NADSYN1: variants seen among roughly 807,000 people sequenced by gnomAD.
NADSYN1 encodes NAD synthetase 1.
Under a neutral mutation model 99.3 loss-of-function variants are expected in NADSYN1, and 80 were observed. The observed-to-expected ratio is 0.81, with a 90% CI of 0.67 to 0.97. The LOEUF is 0.97. NADSYN1 is among the 50% of genes least tolerant of loss of function. The probability of loss-of-function intolerance (pLI) is 0.00; values close to 1 mark genes in which losing one functional copy is unlikely to be tolerated. For missense variants in NADSYN1, 859 were observed against 948.5 expected (o/e 0.91, Z 1.24); for synonymous variants, 385 against 372.1 (o/e 1.03, Z -0.40).
chr11:71,474,577 C>G, intron 9 of NADSYN1, 51 bp downstream of exon 9: 4 of 1,611,424 alleles, frequency 2.5e-6, no homozygotes, highest in Non-Finnish European at 3.4e-6. Context: ...GTGCAGAGAC[C>G]GAGCTCCTGG....
In NADSYN1 at chr11:71,501,329, C is replaced by A; in HGVS notation, c.2098C>A (p.Gln700Lys). ...GCTACAGCTCGAGAGGGCAGAGCCA[C>A]AGTCCCTGGACGGCGTGGACTGAGG... Reference protein sequence around the residue: ...QVLQLERAEPQSLDGVD With the variant: ...QVLQLERAEPKSLDGVD The change falls in exon 21 of 21, where the codon CAG becomes AAG. Residue 700 changes from glutamine to lysine, a missense_variant. Transcript: ENST00000319023. 6.2e-7 allele frequency: 1 copy of A among 1,606,610 alleles called. No individual in the cohort carries two copies. The highest frequency in any genetic ancestry group is 1.1e-5 in the South Asian group (1 of 89,314).
chr11:71,495,772 C>G (rs1949814820), intron 18 of NADSYN1, among the ~76,000 whole-genome samples: 1 of 152,222 alleles, frequency 6.6e-6, no homozygotes, highest in African/African-American at 2.4e-5. Flanking sequence ...GTGGCCACTG[C>G]AGTGAAAACA....
At chr11:71,479,743 G>C (rs1180214387) in intron 10 of NADSYN1, 1 of 152,224 alleles carries the variant, frequency 6.6e-6, no homozygotes, top group Non-Finnish European at 1.5e-5. Context: ...TTGGACCCAG[G>C]AGCCTGCACC....
chr11:71,492,887 A>ATT (rs140022237), intron 18 of NADSYN1, among the ~76,000 whole-genome samples: 2 of 142,578 alleles, frequency 1.4e-5, no homozygotes, highest in Admixed American at 7.0e-5. Context: ...TTGTCTCTAA[A>ATT]TTTTTTTTTT....
chr11:71,493,209 C>G (rs1395118306), intron 18 of NADSYN1, among the ~76,000 whole-genome samples: 1 of 152,090 alleles, frequency 6.6e-6, no homozygotes, highest in African/African-American at 2.4e-5. Context: ...TGTCTTTCAA[C>G]AGTGTTTTTT....
In NADSYN1 at chr11:71,475,342, G is replaced by A. The variant is rs1276327216; in HGVS notation, c.798+816G>A. The A allele has an allele frequency of 5.2e-5, 8 of 153,046 alleles. No homozygotes were observed. The South Asian group carries it at 1.2e-3, about 24-fold the overall frequency. The allele number at this position is 153,046 out of a possible 1,614,324, so 9.5% of individuals were successfully genotyped here. On this transcript the variant is annotated intron_variant, in intron 9 of 20. Coordinates refer to ENST00000319023, the MANE Select transcript of NADSYN1 (RefSeq NM_018161.5). ...CTGTGGGGATCTCTGAGCACACAGCGGCCAGCTGCGTGAGGGAGGGCCCTG... is the reference window on the plus strand; with the variant it reads ...CTGTGGGGATCTCTGAGCACACAGCAGCCAGCTGCGTGAGGGAGGGCCCTG...
intron 4 of NADSYN1, 92 bp downstream of exon 4, chr11:71,463,577 G>C: frequency 7.8e-7 from 1 of 1,278,630 alleles, no homozygotes; most frequent in Non-Finnish European, 1.1e-6. Context: ...GTGCCCTGGG[G>C]ACCCGTTGCT....
intron 5 of NADSYN1, among the ~76,000 whole-genome samples, chr11:71,468,252 G>A (rs957211384): frequency 6.6e-6 from 1 of 152,164 alleles, no homozygotes; most frequent in Non-Finnish European, 1.5e-5. Context: ...CAGAAGCCTC[G>A]AAATTTCAAA....
intron 8 of NADSYN1, 136 bp from the exon 9 acceptor site, chr11:71,474,259 A>G (rs1949648959): frequency 1.8e-6 from 2 of 1,137,230 alleles, no homozygotes; most frequent in African/African-American, 1.5e-5. Context: ...CCCCACACAT[A>G]TGCGTTATCT....
chr11:71,501,514 C>T lies in NADSYN1; in HGVS notation c.*162C>T. On this transcript the variant is annotated 3_prime_UTR_variant, in exon 21 of 21. Transcript: ENST00000319023. ...TTCAGTCAAATTCCTCAAAAAGAGG[C>T]TGGAATAAAGCCTGGGCTTAAAAAG... 1.6e-6 allele frequency: 1 copy of T among 635,460 alleles called. No individual in the cohort carries two copies. Among genetic ancestry groups the T allele is most frequent in the Non-Finnish European group, 2.7e-6 (1 of 375,322 alleles). The allele number at this position is 635,460 out of a possible 1,614,324, so 39.4% of individuals were successfully genotyped here.
chr11:71,453,700 A>G (rs1374775631), intron 1 of NADSYN1, among the ~76,000 whole-genome samples: 1 of 152,210 alleles, frequency 6.6e-6, no homozygotes, highest in Non-Finnish European at 1.5e-5. Context: ...TGAGCTGCCC[A>G]TTCTCGGAGA....
intron 10 of NADSYN1, 138 bp from the exon 11 acceptor site, chr11:71,480,617 G>C: frequency 1.6e-6 from 2 of 1,277,078 alleles, no homozygotes; most frequent in Non-Finnish European, 2.2e-6. Context: ...CGCCATCCTC[G>C]TGGGAGTGAG....
chr11:71,489,693 C>T (rs1949766888), intron 16 of NADSYN1, among the ~76,000 whole-genome samples: 1 of 152,234 alleles, frequency 6.6e-6, no homozygotes, highest in Non-Finnish European at 1.5e-5. Context: ...CAGGGTCTCA[C>T]CTGTCCCTCT....
At chr11:71,480,642 G>A (rs1254288604) in intron 10 of NADSYN1, 113 bp from the exon 11 acceptor site, 2 of 1,522,210 alleles carry the variant, frequency 1.3e-6, no homozygotes, top group African/African-American at 2.7e-5. Flanking sequence ...GCCTCACTGT[G>A]GTTTTGACAT....
intron 3 of NADSYN1, among the ~76,000 whole-genome samples, chr11:71,462,902 T>C (rs540907413): frequency 6.6e-6 from 1 of 152,190 alleles, no homozygotes; most frequent in East Asian, 1.9e-4. Context: ...CAGGCCGCCC[T>C]CTCCTGCTAT....
At chr11:71,465,593 G>A (rs1380213224) in intron 5 of NADSYN1, among the ~76,000 whole-genome samples, 2 of 152,150 alleles carry the variant, frequency 1.3e-5, no homozygotes, top group African/African-American at 2.4e-5. Flanking sequence ...GCATTTACTG[G>A]CATAGCTGGT....
At position 71,484,343 on chromosome 11, in the gene NADSYN1, G is replaced by A. The variant is rs201062981; in HGVS notation, c.1351G>A (p.Val451Met). The change falls in exon 15 of 21, where the codon GTG (valine) becomes ATG (methionine). Residue 451 changes from valine to methionine, a missense_variant. Physicochemically the swap from Val to Met is conservative, Grantham distance 21. Coordinates refer to ENST00000319023, the MANE Select transcript of NADSYN1 (RefSeq NM_018161.5). The part of the protein sequence containing the change: ...HHISLNIDPA[V>M]KAVMGIFSLV... ...CATCAGTCTCAACATCGATCCAGCC[G>A]TGAAGGCCGTCATGGGCATCTTCAG... The A allele has an allele frequency of 2.4e-5, 39 of 1,614,046 alleles. No individual in the cohort carries two copies. Among genetic ancestry groups the A allele is most frequent in the African/African-American group, 5.3e-5 (4 of 74,936 alleles).
At chr11:71,497,264 ACGGT>A in intron 18 of NADSYN1, 1 of 550,466 alleles carries the variant, frequency 1.8e-6, no homozygotes, top group Non-Finnish European at 3.2e-6. Context: ...TTCACCCGTT[ACGGT>A]CCTCCAAACC....
chr11:71,476,799 C>T, intron 9 of NADSYN1: 1 of 985,778 alleles, frequency 1.0e-6, no homozygotes, highest in Non-Finnish European at 1.2e-6. Flanking sequence ...CCCCAGGACC[C>T]CCGCAGGTTC....
Sources: allele counts gnomAD v4.1 joint callset (sites outside exome capture counted in the v4.1 genomes callset), GRCh38; gene constraint gnomAD v4.1.1; transcripts MANE v1.5; gene names NCBI Gene and HGNC (gene_info 2026-07-23, HGNC 2026-07-21).